The following HRH3 variants were observed in gnomAD, a reference collection of about 807,000 sequenced individuals.
HRH3 encodes histamine H3 receptor.
A neutral mutation model predicts 21.6 loss-of-function variants in HRH3; 13 were observed. The ratio of observed to expected loss-of-function variants is 0.60; its 90% confidence interval spans 0.39 to 0.96. HRH3 has a LOEUF of 0.96. Ranked by LOEUF, HRH3 falls within the 40% of genes least tolerant of loss-of-function variation. HRH3 has a pLI of 0.00. For synonymous variants in HRH3, 276 were observed against 290.3 expected, an observed-to-expected ratio of 0.95 and a Z score of 0.50; for missense variants, 461 against 622.7, an observed-to-expected ratio of 0.74 and a Z score of 2.76.
Position 62,215,269 on chromosome 20 carries a change from C to A in HRH3, c.*737G>T. The A allele has an allele frequency of 2.2e-6, 1 of 450,136 alleles. No individual in the cohort carries two copies. The highest frequency in any genetic ancestry group is 4.5e-6 in the Non-Finnish European group (1 of 222,504). The allele number at this position is 450,136 out of a possible 1,614,324, so 27.9% of individuals were successfully genotyped here. ...GCAGAAGCAGCTGGCACAGCTCAGC[C>A]GGAAGCCTTAGCGGAGGGAGGAGGG... On this transcript the variant is annotated 3_prime_UTR_variant, in exon 3 of 3. Transcript: ENST00000340177.
rs1978742699 is a variant in HRH3 at position 62,219,909 on chromosome 20, G to C, written c.62C>G (p.Ala21Gly). The change falls in exon 1 of 3, where the codon GCG (alanine) becomes GGG (glycine). Residue 21 changes from alanine to glycine, a missense_variant. Physicochemically the swap from Ala to Gly is moderately conservative, Grantham distance 60. Transcript: ENST00000340177. The surrounding 1 kb of genome is among the most constrained non-coding windows in gnomAD (Gnocchi z 8.7). ...NASGALAGEA[A>G]AAGGARGFSA... The stretch of plus-strand genomic sequence containing the variant: ...GAAGCCGCGCGCCCCGCCCGCCGCC[G>C]CCGCCTCGCCCGCCAGCGCCCCCGA... The C allele has an allele frequency of 7.5e-7, 1 of 1,328,386 alleles. No individual in the cohort carries two copies. Among genetic ancestry groups the C allele is most frequent in the East Asian group, 3.3e-5 (1 of 29,970 alleles). The allele number at this position is 1,328,386 out of a possible 1,614,324, so 82.3% of individuals were successfully genotyped here. A position where few individuals can be genotyped will look rare whatever the true frequency, so the allele number is the denominator to read the frequency against.
chr20:62,220,101 G>T lies in HRH3; in HGVS notation c.-131C>A, dbSNP rs1374743779. On this transcript the variant is annotated 5_prime_UTR_variant, in exon 1 of 3. Transcript: ENST00000340177. Reference sequence around the variant, plus strand: ...GGCCGGGTCGGGTTCCCCTGGGGGCGCCCAGCGCATGGTCCGCGGGGCCGG... The same window carrying T: ...GGCCGGGTCGGGTTCCCCTGGGGGCTCCCAGCGCATGGTCCGCGGGGCCGG... 2.5e-6 allele frequency: 2 copies of T among 793,162 alleles called. No homozygotes were observed. The highest frequency in any genetic ancestry group is 1.3e-4 in the East Asian group (1 of 7,928). 49.1% of individuals were successfully genotyped at this position (793,162 alleles called of 1,614,324 possible). A position where few individuals can be genotyped will look rare whatever the true frequency, so the allele number is the denominator to read the frequency against.
Position 62,219,352 on chromosome 20 carries a change from T to C in HRH3, c.250+369A>G, listed in dbSNP as rs1978714885. ...CACAGCTCTAAAAATCCCCCTTCCA[T>C]GTCCCCTCCCCCAGACCTTCTCTAA... On this transcript the variant is annotated intron_variant, in intron 1 of 2. Coordinates refer to ENST00000340177, the MANE Select transcript of HRH3 (RefSeq NM_007232.3). This position sits in a 1 kb window ranked among gnomAD's most constrained non-coding sequence, Gnocchi z 8.7. Among the ~76,000 whole-genome samples the C allele has an allele frequency of 1.6e-5, 2 of 125,768 alleles. No homozygotes were observed. Among genetic ancestry groups the C allele is most frequent in the Admixed American group, 1.8e-4 (2 of 11,052 alleles). The allele number at this position is 125,768 out of a possible 152,430, so 82.5% of individuals were successfully genotyped here. A position where few individuals can be genotyped will look rare whatever the true frequency, so the allele number is the denominator to read the frequency against.
In HRH3 at chr20:62,220,047, G is replaced by T; in HGVS notation, c.-77C>A. On this transcript the variant is annotated 5_prime_UTR_variant, in exon 1 of 3. Transcript: ENST00000340177. ...AGCTGGGCGGCCGGGAGGGGCCCCG[G>T]CCCGGGAGCCTCGTCTTTGCGGGCC... The T allele has an allele frequency of 1.0e-6, 1 of 979,610 alleles. No homozygotes were observed. The highest frequency in any genetic ancestry group is 1.2e-6 in the Non-Finnish European group (1 of 825,706). The allele number at this position is 979,610 out of a possible 1,614,324, so 60.7% of individuals were successfully genotyped here. A position where few individuals can be genotyped will look rare whatever the true frequency, so the allele number is the denominator to read the frequency against.
chr20:62,220,097 G>T lies in HRH3; in HGVS notation c.-127C>A. Reference sequence around the variant, plus strand: ...CCTTGGCCGGGTCGGGTTCCCCTGGGGGCGCCCAGCGCATGGTCCGCGGGG... The same window carrying T: ...CCTTGGCCGGGTCGGGTTCCCCTGGTGGCGCCCAGCGCATGGTCCGCGGGG... On this transcript the variant is annotated 5_prime_UTR_variant, in exon 1 of 3. Coordinates refer to ENST00000340177, the MANE Select transcript of HRH3 (RefSeq NM_007232.3). 2 of 829,564 alleles carry T rather than the reference G, an allele frequency of 2.4e-6. No homozygotes were observed. The highest frequency in any genetic ancestry group is 2.9e-6 in the Non-Finnish European group (2 of 688,994). 51.4% of individuals were successfully genotyped at this position (829,564 alleles called of 1,614,324 possible).
At chr20:62,217,402 G>A (rs1978621882) in intron 2 of HRH3, among the ~76,000 whole-genome samples, 1 of 152,236 alleles carries the variant, frequency 6.6e-6, no homozygotes, top group East Asian at 1.9e-4. Flanking sequence ...ACCCCTGGGA[G>A]CTGGAGGTGC....
Position 62,215,367 on chromosome 20 carries a change from G to A in HRH3, c.*639C>T, listed in dbSNP as rs954746886. On this transcript the variant is annotated 3_prime_UTR_variant, in exon 3 of 3. Transcript: ENST00000340177. ...TTGTCTCTCTTGATTAAACATCCCA[G>A]GAACATCAAGTTCACAGACATGTTT... The A allele has an allele frequency of 2.2e-6, 1 of 456,928 alleles. No individual in the cohort carries two copies. Among genetic ancestry groups the A allele is most frequent in the Non-Finnish European group, 4.4e-6 (1 of 227,042 alleles). 28.3% of individuals were successfully genotyped at this position (456,928 alleles called of 1,614,324 possible).
Position 62,220,086 on chromosome 20 carries a change from G to C in HRH3, c.-116C>G. ...TCTTTGCGGGCCCTTGGCCGGGTCG[G>C]GTTCCCCTGGGGGCGCCCAGCGCAT... On this transcript the variant is annotated 5_prime_UTR_variant, in exon 1 of 3. Coordinates refer to ENST00000340177, the MANE Select transcript of HRH3 (RefSeq NM_007232.3). 1.1e-6 allele frequency: 1 copy of C among 889,238 alleles called. No homozygotes were observed. Among genetic ancestry groups the C allele is most frequent in the Non-Finnish European group, 1.3e-6 (1 of 743,486 alleles). The allele number at this position is 889,238 out of a possible 1,614,324, so 55.1% of individuals were successfully genotyped here.
rs1164674927 is a variant in HRH3, at chr20:62,218,673, C to T, written c.251-16G>A. The T allele has an allele frequency of 6.2e-7, 1 of 1,609,714 alleles. No homozygotes were observed. The highest frequency in any genetic ancestry group is 1.1e-5 in the South Asian group (1 of 90,984). On this transcript the variant is annotated splice_polypyrimidine_tract_variant and intron_variant, in intron 1 of 2. Coordinates refer to ENST00000340177, the MANE Select transcript of HRH3 (RefSeq NM_007232.3). The surrounding 1 kb of genome is among the most constrained non-coding windows in gnomAD (Gnocchi z 5.6). ...CAGAAGGCGCCTGTGGGGAGTAGGG[C>T]CACAGTGGGACCATGCAGCCAGGGG... is the stretch of plus-strand genomic sequence containing the variant.
At position 62,216,289 on chromosome 20, in the gene HRH3, C is replaced by T. The variant is rs199552270; in HGVS notation, c.1055G>A (p.Arg352Gln). 1.3e-5 allele frequency: 21 copies of T among 1,611,580 alleles called. No individual in the cohort carries two copies. The highest frequency in any genetic ancestry group is 4.5e-5 in the East Asian group (2 of 44,826). The change falls in exon 3 of 3, where the codon CGG becomes CAG. Residue 352 changes from arginine to glutamine, a missense_variant. This residue lies in a region of HRH3 where 102 missense variants were observed against 166.6 expected (regional missense o/e 0.61). Coordinates refer to ENST00000340177, the MANE Select transcript of HRH3 (RefSeq NM_007232.3). ...QSFTQRFRLSRDRKVAKSLAV... is the reference protein window; with the variant it reads ...QSFTQRFRLSQDRKVAKSLAV... ...CAGCGACTTGGCCACTTTCCTGTCC[C>T]GAGACAGCCGAAAGCGCTGGGTGAA...
chr20:62,217,584 G>A (rs1309091587), intron 2 of HRH3, among the ~76,000 whole-genome samples: 1 of 152,186 alleles, frequency 6.6e-6, no homozygotes, highest in Non-Finnish European at 1.5e-5. Context: ...GGAGGGCCAA[G>A]GGATCCCACT....
rs778346676 is a variant in HRH3, at chr20:62,218,482, A to C, written c.417+9T>G. ...GGAGTGAACAGGAGCTCCGCAGCCC[A>C]GGACTCACCGCTCGGGTGACCGACA... On this transcript the variant is annotated intron_variant, in intron 2 of 2. Transcript: ENST00000340177. The surrounding 1 kb of genome is among the most constrained non-coding windows in gnomAD (Gnocchi z 5.6). 1 of 1,610,198 alleles carries C rather than the reference A, an allele frequency of 6.2e-7. No individual in the cohort carries two copies. Among genetic ancestry groups the C allele is most frequent in the South Asian group, 1.1e-5 (1 of 90,860 alleles).
At position 62,219,192 on chromosome 20, in the gene HRH3, C is replaced by A. The variant is rs940161320; in HGVS notation, c.250+529G>T. 1.3e-5 allele frequency among the ~76,000 whole-genome samples: 2 copies of A among 152,168 alleles called. No homozygotes were observed. The highest frequency in any genetic ancestry group is 4.8e-5 in the African/African-American group (2 of 41,450). ...GCGTCTGGGAGACGCACCTCACAGCCCCAACAGGTGTCTGGCGCTCCAGCC... is the reference window on the plus strand; with the variant it reads ...GCGTCTGGGAGACGCACCTCACAGCACCAACAGGTGTCTGGCGCTCCAGCC... On this transcript the variant is annotated intron_variant, in intron 1 of 2. Coordinates refer to ENST00000340177, the MANE Select transcript of HRH3 (RefSeq NM_007232.3). This position sits in a 1 kb window ranked among gnomAD's most constrained non-coding sequence, Gnocchi z 8.7.
Position 62,215,102 on chromosome 20 carries a change from G to A in HRH3, c.*904C>T, listed in dbSNP as rs930469345. ...CGGCCCCTGCCCGGGCACCTCCTCT[G>A]GACCGCCCCTGCACGCCTTGGGACC... On this transcript the variant is annotated 3_prime_UTR_variant, in exon 3 of 3. Coordinates refer to ENST00000340177, the MANE Select transcript of HRH3 (RefSeq NM_007232.3). 5 of 346,066 alleles carry A rather than the reference G, an allele frequency of 1.4e-5. No homozygotes were observed. Among genetic ancestry groups the A allele is most frequent in the Non-Finnish European group, 2.9e-5 (5 of 174,716 alleles). 21.4% of individuals were successfully genotyped at this position (346,066 alleles called of 1,614,324 possible).
rs1440217216 is a variant in HRH3 at position 62,216,886 on chromosome 20, A to G, written c.458T>C (p.Val153Ala). ...CACCCACACCAGCAGCATCTTCCGC[A>G]CTGCCCGCCGCGTGTCACCCTGCTG... Reference protein sequence around the residue: ...RAQQGDTRRAVRKMLLVWVLA... With the variant: ...RAQQGDTRRAARKMLLVWVLA... Residue 153 changes from valine to alanine, a missense_variant, in exon 3 of 3, where the codon GTG becomes GCG. By Grantham distance (64) the Val-to-Ala change is moderately conservative. Around this residue, in one of 6 missense-constraint regions of HRH3, gnomAD observed 74 missense variants for 86.6 expected, o/e 0.85. Coordinates refer to ENST00000340177, the MANE Select transcript of HRH3 (RefSeq NM_007232.3). The G allele has an allele frequency of 6.2e-7, 1 of 1,610,688 alleles. No individual in the cohort carries two copies. Among genetic ancestry groups the G allele is most frequent in the Non-Finnish European group, 8.5e-7 (1 of 1,178,560 alleles).
chr20:62,219,549 G>A lies in HRH3; in HGVS notation c.250+172C>T, dbSNP rs1345631949. On this transcript the variant is annotated intron_variant, in intron 1 of 2. Transcript: ENST00000340177. This position sits in a 1 kb window ranked among gnomAD's most constrained non-coding sequence, Gnocchi z 8.7. Reference sequence around the variant, plus strand: ...CCCTGTCCCGAGGCCTGAGTGGCAAGGAACTTCGCCTGTGCCCCCCACCCC... The same window carrying A: ...CCCTGTCCCGAGGCCTGAGTGGCAAAGAACTTCGCCTGTGCCCCCCACCCC... Among the ~76,000 whole-genome samples the A allele has an allele frequency of 1.3e-5, 2 of 152,074 alleles. No individual in the cohort carries two copies. The highest frequency in any genetic ancestry group is 2.9e-5 in the Non-Finnish European group (2 of 67,986).
At chr20:62,217,113 G>C (rs959760354) in intron 2 of HRH3, among the ~76,000 whole-genome samples, 187 bp from the exon 3 acceptor site, 1 of 151,916 alleles carries the variant, frequency 6.6e-6, no homozygotes, top group Non-Finnish European at 1.5e-5. Context: ...TCCCGGACTG[G>C]TGCCCTGCCA....
At position 62,215,995 on chromosome 20, in the gene HRH3, T is replaced by C. The variant is rs1199080229; in HGVS notation, c.*11A>G. 2 of 1,552,356 alleles carry C rather than the reference T, an allele frequency of 1.3e-6. No homozygotes were observed. Among genetic ancestry groups the C allele is most frequent in the Admixed American group, 3.9e-5 (2 of 51,268 alleles). ...AGAGAGGCGTGGCTGAGGGAGGCTC[T>C]GGTGGGCCACTCACTTCCAGCAGTG... On this transcript the variant is annotated 3_prime_UTR_variant, in exon 3 of 3. Transcript: ENST00000340177.
chr20:62,216,642 A>G lies in HRH3; in HGVS notation c.702T>C (p.Asp234=), dbSNP rs750225439. 6.2e-7 allele frequency: 1 copy of G among 1,612,586 alleles called. No homozygotes were observed. The highest frequency in any genetic ancestry group is 1.3e-5 in the African/African-American group (1 of 75,026). Reference sequence around the variant, plus strand: ...CGGGGCCGGCTGCCTCTCGAGCCCCATCCAGCCGGAGGCGGGTGCGCCTCT... The same window carrying G: ...CGGGGCCGGCTGCCTCTCGAGCCCCGTCCAGCCGGAGGCGGGTGCGCCTCT... ...NIQRRTRLRL[D]GAREAAGPEP... The change falls in exon 3 of 3, where the codon GAT becomes GAC. Residue 234 remains aspartate, a synonymous_variant. Coordinates refer to ENST00000340177, the MANE Select transcript of HRH3 (RefSeq NM_007232.3).
Sources: gnomAD v4.1 joint callset for allele counts (sites outside exome capture counted in the v4.1 genomes callset) on GRCh38, gnomAD v4.1.1 for gene constraint, gnomAD v4.1.1 regional missense constraint, Gnocchi (gnomAD v3.1) non-coding constraint, MANE v1.5 for transcripts, NCBI Gene and HGNC (gene_info 2026-07-23, HGNC 2026-07-21) for gene names.